CSGALNACT1: variants seen among roughly 807,000 people sequenced by gnomAD.
CSGALNACT1 encodes chondroitin sulfate N-acetylgalactosaminyltransferase 1.
A neutral mutation model predicts 51.0 loss-of-function variants in CSGALNACT1; 52 were observed. The ratio of observed to expected loss-of-function variants is 1.02; its 90% CI spans 0.82 to 1.29. The LOEUF (loss-of-function observed/expected upper bound fraction) is 1.29. Ranked by LOEUF, CSGALNACT1 falls within the 50% of genes most tolerant of loss-of-function variation. The pLI is 0.00. For synonymous variants in CSGALNACT1, 341 were observed against 254.4 expected (o/e 1.34, Z -3.24); for missense variants, 935 against 679.2 (o/e 1.38, Z -4.19).
intron 3 of CSGALNACT1, among the ~76,000 whole-genome samples, chr8:19,524,998 G>T (rs1201262341): frequency 1.3e-5 from 2 of 152,198 alleles, no homozygotes; most frequent in East Asian, 3.9e-4. Flanking sequence ...ACCAGCCAAG[G>T]AAATTGAGAA....
At chr8:19,454,898 A>C (rs1010483965) in intron 5 of CSGALNACT1, among the ~76,000 whole-genome samples, 2 of 152,240 alleles carry the variant, frequency 1.3e-5, no homozygotes, top group Admixed American at 6.5e-5. Context: ...ACATTTTCTT[A>C]AAGTTCAGCA....
intron 1 of CSGALNACT1, among the ~76,000 whole-genome samples, chr8:19,729,837 G>T (rs892756550): frequency 2.6e-5 from 4 of 152,044 alleles, no homozygotes; most frequent in Admixed American, 6.6e-5. Flanking sequence ...TTAGAAGGAA[G>T]AGCTGAACGG....
exon 4 of CSGALNACT1, chr8:19,506,007 G>C: frequency 1.4e-6 from 1 of 739,296 alleles, no homozygotes; most frequent in Non-Finnish European, 2.4e-6. Context: ...ACCACACAGA[G>C]CAGCTTCTCT....
intron 6 of CSGALNACT1, among the ~76,000 whole-genome samples, chr8:19,421,376 G>A (rs1461817254): frequency 6.6e-6 from 1 of 152,202 alleles, no homozygotes; most frequent in Non-Finnish European, 1.5e-5. Flanking sequence ...CTGAAATGGG[G>A]CCTGTCTTAA....
intron 1 of CSGALNACT1, among the ~76,000 whole-genome samples, chr8:19,680,147 G>A (rs2060488592): frequency 6.6e-6 from 1 of 152,140 alleles, no homozygotes; most frequent in South Asian, 2.1e-4. Flanking sequence ...TAAACTACCT[G>A]AAATAGTATA....
At chr8:19,545,501 G>A (rs1308625788) in intron 3 of CSGALNACT1, among the ~76,000 whole-genome samples, 1 of 152,090 alleles carries the variant, frequency 6.6e-6, no homozygotes, top group Non-Finnish European at 1.5e-5. Flanking sequence ...TCTGTCAGAT[G>A]AAAAAGCAGA....
intron 1 of CSGALNACT1, among the ~76,000 whole-genome samples, chr8:19,732,741 T>G (rs1473778521): frequency 6.6e-6 from 1 of 152,238 alleles, no homozygotes; most frequent in Non-Finnish European, 1.5e-5. Context: ...ATTACGTCAT[T>G]TCAAAATCCA....
chr8:19,589,778 T>A (rs908701882), intron 3 of CSGALNACT1, among the ~76,000 whole-genome samples: 2 of 152,248 alleles, frequency 1.3e-5, no homozygotes, highest in Admixed American at 6.5e-5. Flanking sequence ...GTCCTGGTTT[T>A]GAGAAGATTT....
chr8:19,636,394 T>G (rs2056070415), intron 1 of CSGALNACT1, among the ~76,000 whole-genome samples: 1 of 152,186 alleles, frequency 6.6e-6, no homozygotes, highest in African/African-American at 2.4e-5. Context: ...AATGAGAATC[T>G]GGGAGCATAT....
At chr8:19,663,265 T>C (rs1181054221) in intron 1 of CSGALNACT1, among the ~76,000 whole-genome samples, 1 of 152,156 alleles carries the variant, frequency 6.6e-6, no homozygotes, top group Non-Finnish European at 1.5e-5. Context: ...GTCAGGCTTG[T>C]ACTTAATTGT....
At chr8:19,451,501 G>A (rs2063175008) in intron 5 of CSGALNACT1, among the ~76,000 whole-genome samples, 1 of 152,186 alleles carries the variant, frequency 6.6e-6, no homozygotes, top group African/African-American at 2.4e-5. Flanking sequence ...CACACACTGT[G>A]TGCACCCAGG....
intron 3 of CSGALNACT1, among the ~76,000 whole-genome samples, chr8:19,527,777 T>A (rs558884679): frequency 6.6e-6 from 1 of 151,996 alleles, no homozygotes; most frequent in Admixed American, 6.6e-5. Context: ...ATATCAAATT[T>A]GGGGAGGAGA....
intron 4 of CSGALNACT1, among the ~76,000 whole-genome samples, chr8:19,497,427 G>A (rs1181904355): frequency 6.6e-6 from 1 of 152,036 alleles, no homozygotes; most frequent in African/African-American, 2.4e-5. Flanking sequence ...CTCAAACCCA[G>A]CCCCCTCCTG....
At chr8:19,638,504 C>T (rs1654573978) in intron 1 of CSGALNACT1, among the ~76,000 whole-genome samples, 1 of 151,820 alleles carries the variant, frequency 6.6e-6, no homozygotes, top group African/African-American at 2.4e-5. Flanking sequence ...CAATATTTTG[C>T]TAAGATAAGG....
chr8:19,504,237 C>T (rs1040032370), intron 4 of CSGALNACT1, among the ~76,000 whole-genome samples: 7 of 151,988 alleles, frequency 4.6e-5, no homozygotes, highest in African/African-American at 9.7e-5. Flanking sequence ...CCACCAGGCC[C>T]GGCTAATTTT....
upstream of CSGALNACT1, among the ~76,000 whole-genome samples, chr8:19,606,426 C>T (rs554867312): frequency 6.6e-6 from 1 of 152,260 alleles, no homozygotes; most frequent in South Asian, 2.1e-4. Context: ...AAAGAAAGGC[C>T]TCTTGGATGT....
At chr8:19,496,768 G>A (rs891485427) in intron 4 of CSGALNACT1, among the ~76,000 whole-genome samples, 2 of 152,260 alleles carry the variant, frequency 1.3e-5, no homozygotes, top group South Asian at 2.1e-4. Context: ...AGAAATCAAC[G>A]ACCTAAGCAA....
At chr8:19,704,826 G>C (rs1411120250) in intron 1 of CSGALNACT1, among the ~76,000 whole-genome samples, 2 of 152,172 alleles carry the variant, frequency 1.3e-5, no homozygotes, top group African/African-American at 4.8e-5. Context: ...ATTATGCTAA[G>C]TGAAACAACC....
upstream of CSGALNACT1, among the ~76,000 whole-genome samples, chr8:19,603,354 C>T (rs555233403): frequency 6.6e-6 from 1 of 152,298 alleles, no homozygotes; most frequent in African/African-American, 2.4e-5. Context: ...CCCACTCTCA[C>T]CCCAGTTCAC....
Sources: gnomAD v4.1 joint callset for allele counts (sites outside exome capture counted in the v4.1 genomes callset) on GRCh38, gnomAD v4.1.1 for gene constraint, MANE v1.5 for transcripts, NCBI Gene and HGNC (gene_info 2026-07-23, HGNC 2026-07-21) for gene names.